Variants in CDH19 observed in about 807,000 individuals in gnomAD.
CDH19 encodes the protein cadherin 19, also known as cadherin-19.
CDH19 carries 67 observed loss-of-function variants against 64.2 expected under a neutral mutation model. That is an observed-to-expected ratio of 1.04 (90% CI 0.86 to 1.28). CDH19 has a LOEUF of 1.28. Ranked by LOEUF, CDH19 falls within the 50% of genes most tolerant of loss-of-function variation. The probability of loss-of-function intolerance (pLI) is 0.00; values close to 1 mark genes in which losing one functional copy is unlikely to be tolerated. For synonymous variants in CDH19, 346 were observed against 319.3 expected, an observed-to-expected ratio of 1.08 and a Z score of -0.89; for missense variants, 1,030 against 929.0, an observed-to-expected ratio of 1.11 and a Z score of -1.41.
chr18:66,596,093 CT>C (rs1359578747), intron 1 of CDH19: 3 of 151,950 alleles, frequency 2.0e-5, no homozygotes, highest in African/African-American at 7.3e-5. Flanking sequence ...CACAGAAAAG[CT>C]TCTGATAACA....
chr18:66,502,882 G>T lies in CDH19; in HGVS notation c.*1930C>A, dbSNP rs1243444375. 1.3e-5 allele frequency: 2 copies of T among 151,768 alleles called. No individual in the cohort carries two copies. Among genetic ancestry groups the T allele is most frequent in the African/African-American group, 2.4e-5 (1 of 41,396 alleles). The allele number at this position is 151,768 out of a possible 1,614,324, so 9.4% of individuals were successfully genotyped here. On this transcript the variant is annotated 3_prime_UTR_variant, in exon 12 of 12. Coordinates refer to ENST00000262150, the MANE Select transcript of CDH19 (RefSeq NM_021153.4). The stretch of plus-strand genomic sequence containing the variant: ...TGGTTTTCTCAAGCTTTTGTGAAAT[G>T]ATAATATTTGTGTCACCAATTTAAT...
At chr18:66,580,699 CAATTT>C (rs1033481046) in intron 1 of CDH19, among the ~76,000 whole-genome samples, 1 of 151,992 alleles carries the variant, frequency 6.6e-6, no homozygotes, top group Non-Finnish European at 1.5e-5. Context: ...TTTCTCAATT[CAATTT>C]AAAGTTAAAA....
Position 66,544,116 on chromosome 18 carries a change from T to A in CDH19, c.1069A>T (p.Ile357Phe). The A allele has an allele frequency of 1.9e-6, 3 of 1,613,986 alleles. No individual in the cohort carries two copies. Among genetic ancestry groups the A allele is most frequent in the Non-Finnish European group, 2.5e-6 (3 of 1,179,938 alleles). The change falls in exon 7 of 12, where the codon ATT (isoleucine) becomes TTT (phenylalanine). Residue 357 changes from isoleucine (I) to phenylalanine (F), a missense_variant. Transcript: ENST00000262150. Reference protein sequence around the residue: ...KYHTEASTTFIKIQVEDVDEP... With the variant: ...KYHTEASTTFFKIQVEDVDEP... Reference sequence around the variant, plus strand: ...TCAACATCTTCCACCTGGATCTTAATGAAAGTGGTGGAAGCCTCAGTGTGG... The same window carrying A: ...TCAACATCTTCCACCTGGATCTTAAAGAAAGTGGTGGAAGCCTCAGTGTGG...
chr18:66,520,068 C>T lies in CDH19; in HGVS notation c.1459-8383G>A, dbSNP rs549237304. Reference sequence around the variant, plus strand: ...GGTGTGGTGGCATGCACCTGTAGTCCCAGCTACTCGGGAGGCTGAGGCAGG... The same window carrying T: ...GGTGTGGTGGCATGCACCTGTAGTCTCAGCTACTCGGGAGGCTGAGGCAGG... On this transcript the variant is annotated intron_variant, in intron 9 of 11. Coordinates refer to ENST00000262150, the MANE Select transcript of CDH19 (RefSeq NM_021153.4). Among the ~76,000 whole-genome samples, 575 of 152,138 alleles carry T rather than the reference C, an allele frequency of 3.8e-3. 4 individuals are homozygous for T. The highest frequency in any genetic ancestry group is 0.013 in the African/African-American group (548 of 41,504).
rs1985135592 is a variant in CDH19 at position 66,505,256 on chromosome 18, A to C, written c.1875T>G (p.Ile625Met). ...AATCTTCACTTTTCTCAGGAAATAG[A>C]ATCTGTTTTCTCCGTTGTTTTAAAC... Reference protein sequence around the residue: ...TLGLKQRRKQILFPEKSEDFR... With the variant: ...TLGLKQRRKQMLFPEKSEDFR... Residue 625 changes from isoleucine (I) to methionine (M), a missense_variant, in exon 12 of 12, where the codon ATT becomes ATG. Physicochemically the swap from Ile to Met is conservative, Grantham distance 10. Coordinates refer to ENST00000262150, the MANE Select transcript of CDH19 (RefSeq NM_021153.4). 10 of 1,593,840 alleles carry C rather than the reference A, an allele frequency of 6.3e-6. No individual in the cohort carries two copies. The highest frequency in any genetic ancestry group is 1.4e-5 in the African/African-American group (1 of 73,592).
At chr18:66,563,025 A>G (rs1217547985) in intron 3 of CDH19, among the ~76,000 whole-genome samples, 3 of 152,146 alleles carry the variant, frequency 2.0e-5, no homozygotes, top group Non-Finnish European at 4.4e-5. Flanking sequence ...TTACAACTTT[A>G]TTAAATGATG....
At chr18:66,593,594 C>A (rs116052739) in intron 1 of CDH19, among the ~76,000 whole-genome samples, 4,032 of 152,052 alleles carry the variant, frequency 0.027, 192 homozygotes, top group African/African-American at 0.091. Flanking sequence ...AAAAAATAAA[C>A]TAGTGTTAAC....
At chr18:66,523,615 G>A (rs569589309) in intron 9 of CDH19, among the ~76,000 whole-genome samples, 1 of 151,794 alleles carries the variant, frequency 6.6e-6, no homozygotes, top group African/African-American at 2.4e-5. Flanking sequence ...ACTCGGTGGG[G>A]GTGGGGGGGG....
intron 7 of CDH19, among the ~76,000 whole-genome samples, chr18:66,539,638 C>A (rs781216812): frequency 5.3e-5 from 8 of 152,020 alleles, no homozygotes; most frequent in African/African-American, 1.2e-4. Context: ...TAAGGATATA[C>A]TTTCCTTTTC....
intron 5 of CDH19, among the ~76,000 whole-genome samples, chr18:66,548,055 T>A (rs1987196786): frequency 6.8e-6 from 1 of 147,220 alleles, no homozygotes; most frequent in Non-Finnish European, 1.5e-5. Flanking sequence ...ATATTATATA[T>A]GATATATATT....
At chr18:66,508,951 T>C in intron 11 of CDH19, 44 bp downstream of exon 11, 2 of 1,584,058 alleles carry the variant, frequency 1.3e-6, no homozygotes, top group South Asian at 1.1e-5. Flanking sequence ...CTACCAAATA[T>C]GATCATAATG....
chr18:66,551,899 G>A (rs1486345670), intron 4 of CDH19, among the ~76,000 whole-genome samples: 1 of 151,908 alleles, frequency 6.6e-6, no homozygotes, highest in Non-Finnish European at 1.5e-5. Flanking sequence ...AGGTTCATAA[G>A]AGAGGACTCA....
chr18:66,535,528 G>C lies in CDH19; in HGVS notation c.1215-421C>G, dbSNP rs187483832. Reference sequence around the variant, plus strand: ...AAAAGTAAATTTGATAAAAAGTAAAGTCTATATAGTAGATAGAATTTTAAT... The same window carrying C: ...AAAAGTAAATTTGATAAAAAGTAAACTCTATATAGTAGATAGAATTTTAAT... On this transcript the variant is annotated intron_variant, in intron 7 of 11. Transcript: ENST00000262150. Among the ~76,000 whole-genome samples, 68 of 150,094 alleles carry C rather than the reference G, an allele frequency of 4.5e-4. 4 individuals are homozygous for C. The East Asian group carries it at 5.8e-3, about 13-fold the overall frequency.
intron 1 of CDH19, among the ~76,000 whole-genome samples, chr18:66,572,692 C>T (rs796287189): frequency 1.3e-5 from 2 of 151,468 alleles, no homozygotes; most frequent in African/African-American, 2.4e-5. Context: ...ACAGTCAATC[C>T]AGGAGGAAAA....
At chr18:66,588,970 A>G (rs1389273400) in intron 1 of CDH19, among the ~76,000 whole-genome samples, 1 of 151,860 alleles carries the variant, frequency 6.6e-6, no homozygotes, top group Middle Eastern at 3.4e-3. Flanking sequence ...TAATAACAAC[A>G]CAAGAAAAAA....
chr18:66,556,981 T>G (rs1987542979), intron 3 of CDH19, among the ~76,000 whole-genome samples: 1 of 151,954 alleles, frequency 6.6e-6, no homozygotes, highest in Admixed American at 6.6e-5. Context: ...TAGATTCATG[T>G]AGCCATTATG....
intron 7 of CDH19, among the ~76,000 whole-genome samples, chr18:66,537,576 G>A (rs950659755): frequency 1.3e-5 from 2 of 151,928 alleles, no homozygotes; most frequent in Non-Finnish European, 2.9e-5. Flanking sequence ...ATTTTAAAAT[G>A]TTCTGGTTTC....
chr18:66,543,903 G>T, intron 7 of CDH19, 68 bp downstream of exon 7: 1 of 1,173,002 alleles, frequency 8.5e-7, no homozygotes, highest in Non-Finnish European at 1.2e-6. Context: ...AAGATTGCAT[G>T]CAATTTTATT....
At chr18:66,527,047 ATGTGTGTGTGTG>A (rs71169151) in intron 9 of CDH19, among the ~76,000 whole-genome samples, 1 of 144,932 alleles carries the variant, frequency 6.9e-6, no homozygotes, top group Non-Finnish European at 1.5e-5. Flanking sequence ...ATATATATAT[ATGTGTGTGTGTG>A]TGTGTGTGTG....
Sources: allele counts gnomAD v4.1 joint callset (sites outside exome capture counted in the v4.1 genomes callset), GRCh38; gene constraint gnomAD v4.1.1; transcripts MANE v1.5; gene names NCBI Gene and HGNC (gene_info 2026-07-23, HGNC 2026-07-21).